N4BP2L2: variants seen among roughly 807,000 people sequenced by gnomAD.
N4BP2L2 encodes NEDD4 binding protein 2 like 2.
N4BP2L2 carries 50 observed loss-of-function variants against 56.2 expected under a neutral mutation model. That is an observed-to-expected ratio of 0.89 (90% CI 0.71 to 1.13). The LOEUF (loss-of-function observed/expected upper bound fraction) is 1.13, where lower values mean the gene tolerates loss of function less well. N4BP2L2 is among the 50% of genes most tolerant of loss of function. The pLI is 0.00. For synonymous variants in N4BP2L2, 203 were observed against 223.6 expected (o/e 0.91, Z 0.82); for missense variants, 689 against 693.8 (o/e 0.99, Z 0.08).
At chr13:32,522,416 G>T (rs2140057456) in intron 3 of N4BP2L2, 146 bp from the exon 4 acceptor site, 1 of 463,048 alleles carries the variant, frequency 2.2e-6, no homozygotes, top group East Asian at 3.6e-5. Context: ...ATGAAAAAAA[G>T]AACTCCACTA....
At chr13:32,434,376 G>A (rs2075232606) in intron 9 of N4BP2L2, among the ~76,000 whole-genome samples, 1 of 151,690 alleles carries the variant, frequency 6.6e-6, no homozygotes, top group Non-Finnish European at 1.5e-5. Flanking sequence ...AGGATTACAG[G>A]CATGAGCCAC....
chr13:32,517,091 T>G (rs2049395856), exon 6 of N4BP2L2: 1 of 980,554 alleles, frequency 1.0e-6, no homozygotes, highest in East Asian at 1.1e-4. Context: ...CAGAGAGAAG[T>G]AAAACATTAT....
At chr13:32,537,996 G>C (rs901974518) in intron 1 of N4BP2L2, among the ~76,000 whole-genome samples, 2 of 151,238 alleles carry the variant, frequency 1.3e-5, no homozygotes, top group African/African-American at 4.9e-5. Flanking sequence ...CTTGAACCCG[G>C]GGGGGGCGGA....
exon 7 of N4BP2L2, chr13:32,443,521 T>C (rs749164958): frequency 6.2e-7 from 1 of 1,611,166 alleles, no homozygotes; most frequent in Non-Finnish European, 8.5e-7. Context: ...TCCATGTTGA[T>C]GGCACAGAAT....
intron 7 of N4BP2L2, among the ~76,000 whole-genome samples, chr13:32,439,009 C>T (rs2075861581): frequency 6.6e-6 from 1 of 152,230 alleles, no homozygotes; most frequent in African/African-American, 2.4e-5. Flanking sequence ...AAACAAATCG[C>T]TTCGTAGCCT....
chr13:32,525,564 G>A (rs2052482779), intron 3 of N4BP2L2: 1 of 152,160 alleles, frequency 6.6e-6, no homozygotes, highest in South Asian at 2.1e-4. Flanking sequence ...AGTTACTCAG[G>A]AGGCTGAGGC....
intron 6 of N4BP2L2, among the ~76,000 whole-genome samples, chr13:32,480,381 G>A (rs2084371293): frequency 6.6e-6 from 1 of 152,142 alleles, no homozygotes; most frequent in Non-Finnish European, 1.5e-5. Flanking sequence ...TGAAATCCAG[G>A]CAGAAGGAAA....
chr13:32,438,844 T>C, intron 7 of N4BP2L2: 1 of 739,878 alleles, frequency 1.4e-6, no homozygotes, highest in African/African-American at 1.8e-5. Context: ...CCATTAAAAG[T>C]CTGGTTTTAA....
chr13:32,537,141 G>T, intron 1 of N4BP2L2, 114 bp from the exon 2 acceptor site: 1 of 756,474 alleles, frequency 1.3e-6, no homozygotes, highest in Non-Finnish European at 1.9e-6. Flanking sequence ...TATATTTAAT[G>T]GTAACAATTT....
At chr13:32,508,505 G>A (rs1455655848), downstream of N4BP2L2, 1 of 151,954 alleles carries the variant, frequency 6.6e-6, no homozygotes, top group East Asian at 1.9e-4. Flanking sequence ...AAATGGAGGT[G>A]GAACTCAGAC....
intron 7 of N4BP2L2, among the ~76,000 whole-genome samples, chr13:32,439,854 TCCAAAAA>T (rs1349970862): frequency 0.031 from 1,354 of 43,488 alleles, 31 homozygotes; most frequent in African/African-American, 0.063. Flanking sequence ...CTATTAAGAA[TCCAAAAA>T]AAAAAAAAAA....
intron 2 of N4BP2L2, among the ~76,000 whole-genome samples, chr13:32,531,375 A>C (rs2054748426): frequency 6.6e-6 from 1 of 152,192 alleles, no homozygotes; most frequent in Non-Finnish European, 1.5e-5. Context: ...TCTGTTCCCA[A>C]AACAAGGCCT....
chr13:32,529,914 T>C (rs1354492207), intron 2 of N4BP2L2, among the ~76,000 whole-genome samples: 1 of 151,898 alleles, frequency 6.6e-6, no homozygotes, highest in Non-Finnish European at 1.5e-5. Context: ...TTATTAGAGA[T>C]GGGGTTTCAC....
At chr13:32,513,509 C>G (rs1172735017) in exon 6 of N4BP2L2, 1 of 152,112 alleles carries the variant, frequency 6.6e-6, no homozygotes, top group African/African-American at 2.4e-5. Flanking sequence ...AGTCTTATCA[C>G]CAAACATTCA....
At chr13:32,523,805 CA>C (rs2051800998) in intron 3 of N4BP2L2, 1 of 151,930 alleles carries the variant, frequency 6.6e-6, no homozygotes, top group East Asian at 1.9e-4. Flanking sequence ...TCTGGAGACT[CA>C]GGGGGAAAGG....
At chr13:32,514,946 T>A (rs1431912311) in exon 6 of N4BP2L2, 1 of 151,752 alleles carries the variant, frequency 6.6e-6, no homozygotes, top group African/African-American at 2.4e-5. Context: ...GAGACCTGCC[T>A]GGCCAACATG....
At chr13:32,441,623 G>A (rs1453685229) in intron 7 of N4BP2L2, among the ~76,000 whole-genome samples, 2 of 151,504 alleles carry the variant, frequency 1.3e-5, no homozygotes, top group African/African-American at 4.9e-5. Context: ...AGTGGAGGTT[G>A]CAGTGAGCCG....
At chr13:32,500,865 C>CTTTT (rs368419149) in intron 6 of N4BP2L2, among the ~76,000 whole-genome samples, 6 of 127,404 alleles carry the variant, frequency 4.7e-5, no homozygotes, top group African/African-American at 1.2e-4. Flanking sequence ...TTAGTCTTTT[C>CTTTT]TTTTTTTTTT....
chr13:32,465,022 A>G (rs985290499), intron 6 of N4BP2L2, among the ~76,000 whole-genome samples: 3 of 151,934 alleles, frequency 2.0e-5, no homozygotes, highest in African/African-American at 4.8e-5. Flanking sequence ...GATGGAGTGC[A>G]GGGGCTCAAT....
Sources: allele counts gnomAD v4.1 joint callset (sites outside exome capture counted in the v4.1 genomes callset), GRCh38; gene constraint gnomAD v4.1.1; transcripts MANE v1.5; gene names NCBI Gene and HGNC (gene_info 2026-07-23, HGNC 2026-07-21).